Variants in ATL3 observed in about 807,000 individuals in gnomAD.
The protein encoded by ATL3 is atlastin-3.
ATL3 carries 49 observed loss-of-function variants against 69.5 expected under a neutral mutation model. The observed-to-expected ratio is 0.71, with a 90% confidence interval of 0.56 to 0.89. The LOEUF (loss-of-function observed/expected upper bound fraction) is 0.89, where lower values mean the gene tolerates loss of function less well. Among genes scored for constraint, ATL3 ranks in the 40% least tolerant of loss-of-function variants. ATL3 has a pLI of 0.00. For synonymous variants in ATL3, 214 were observed against 224.1 expected (o/e 0.95, Z 0.40); for missense variants, 606 against 645.7 (o/e 0.94, Z 0.67).
intron 5 of ATL3, among the ~76,000 whole-genome samples, chr11:63,650,250 A>G (rs775864929): frequency 6.6e-6 from 1 of 152,194 alleles, no homozygotes; most frequent in Non-Finnish European, 1.5e-5. Context: ...TCATCCCCAT[A>G]TGGAAGAAAC....
At chr11:63,663,210 C>T (rs577895483) in intron 1 of ATL3, among the ~76,000 whole-genome samples, 1 of 152,106 alleles carries the variant, frequency 6.6e-6, no homozygotes, top group East Asian at 1.9e-4. Flanking sequence ...CCTCAAACTC[C>T]TGGGTTCAAG....
rs1210037139 is a variant in ATL3, at chr11:63,624,643, C to T, written c.*4676G>A. On this transcript the variant is annotated 3_prime_UTR_variant, in exon 13 of 13. Transcript: ENST00000398868. Reference sequence around the variant, plus strand: ...TGAATTTTACTTTTTAAAAGAAAAACTATCAAAAATTGCTTTTAAAAAATC... The same window carrying T: ...TGAATTTTACTTTTTAAAAGAAAAATTATCAAAAATTGCTTTTAAAAAATC... 1.3e-5 allele frequency: 2 copies of T among 152,228 alleles called. No individual in the cohort carries two copies. The highest frequency in any genetic ancestry group is 2.1e-4 in the South Asian group (1 of 4,818). 9.4% of individuals were successfully genotyped at this position (152,228 alleles called of 1,614,324 possible).
At position 63,651,849 on chromosome 11, in the gene ATL3, T is replaced by C. The variant is rs934013262; in HGVS notation, c.561+87A>G. On this transcript the variant is annotated intron_variant, in intron 5 of 12. Coordinates refer to ENST00000398868, the MANE Select transcript of ATL3 (RefSeq NM_015459.5). ...AACCTTCCTCTACATTTCAATCTTT[T>C]GCTAAAAACTACTCAGTTGTAAAAT... The C allele has an allele frequency of 6.6e-5, 97 of 1,479,654 alleles. 1 individual carries two copies. In the East Asian group the frequency reaches 2.4e-3, roughly 36 times the overall value. The allele number at this position is 1,479,654 out of a possible 1,614,324, so 91.7% of individuals were successfully genotyped here.
chr11:63,644,283 C>T (rs771960422), intron 6 of ATL3, 22 bp from the exon 7 acceptor site: 8 of 1,381,016 alleles, frequency 5.8e-6, no homozygotes, highest in South Asian at 2.4e-5. Flanking sequence ...AAGAGCGGAA[C>T]ATATTTTAAC....
In ATL3 at chr11:63,631,158, T is replaced by C. The variant is rs758885564; in HGVS notation, c.1421A>G (p.Asn474Ser). ...TATTAACAGTAGTCCAACCATACAG[T>C]TGAACAACTGGGCTACAACCTCAAG... ...IGLEVVAQLFNCMVGLLLIAL... is the reference protein window; with the variant it reads ...IGLEVVAQLFSCMVGLLLIAL... The change falls in exon 12 of 13, where the codon AAC becomes AGC. Residue 474 changes from asparagine (N) to serine (S), a missense_variant. Asn to Ser is a conservative substitution (Grantham distance 46). Coordinates refer to ENST00000398868, the MANE Select transcript of ATL3 (RefSeq NM_015459.5). 3.7e-6 allele frequency: 6 copies of C among 1,614,158 alleles called. No homozygotes were observed. Among genetic ancestry groups the C allele is most frequent in the African/African-American group, 2.7e-5 (2 of 75,036 alleles).
chr11:63,671,257 C>G (rs539444345), intron 1 of ATL3, 33 bp downstream of exon 1: 1 of 1,558,044 alleles, frequency 6.4e-7, no homozygotes, highest in African/African-American at 1.4e-5. Context: ...CGGGGGTGGC[C>G]GCGGGGCGAT....
At chr11:63,661,966 A>G (rs1482416627) in intron 1 of ATL3, among the ~76,000 whole-genome samples, 1 of 151,890 alleles carries the variant, frequency 6.6e-6, no homozygotes, top group Non-Finnish European at 1.5e-5. Flanking sequence ...TAATCCCAGC[A>G]CTTTGGGGGC....
intron 6 of ATL3, among the ~76,000 whole-genome samples, chr11:63,646,076 G>C (rs1342674249): frequency 6.7e-6 from 1 of 148,308 alleles, no homozygotes; most frequent in African/African-American, 2.5e-5. Context: ...ATTTTTTTAA[G>C]AGATGTCTTG....
In ATL3 at chr11:63,658,725, G is replaced by T. The variant is rs1237292194; in HGVS notation, c.405+36C>A. On this transcript the variant is annotated intron_variant, in intron 3 of 12. Transcript: ENST00000398868. ...ATGCTGAAGTTCATATTTTGTTGTTGTTGTTGTTAATCTGTAAGGTCATTT... is the reference window on the plus strand; with the variant it reads ...ATGCTGAAGTTCATATTTTGTTGTTTTTGTTGTTAATCTGTAAGGTCATTT... 3 of 1,566,194 alleles carry T rather than the reference G, an allele frequency of 1.9e-6. No individual in the cohort carries two copies. The African/African-American group carries it at 4.1e-5, about 21-fold the overall frequency.
At chr11:63,635,470 T>C (rs1227028903) in intron 10 of ATL3, 64 bp downstream of exon 10, 2 of 1,334,646 alleles carry the variant, frequency 1.5e-6, no homozygotes, top group African/African-American at 1.5e-5. Context: ...GAACTCTGCT[T>C]ATTGTATACA....
At chr11:63,671,229 C>A in intron 1 of ATL3, 61 bp downstream of exon 1, 1 of 1,523,176 alleles carries the variant, frequency 6.6e-7, no homozygotes, top group Non-Finnish European at 8.8e-7. Flanking sequence ...CTTTTCAGAA[C>A]TACAGCAGGG....
At chr11:63,632,050 G>A (rs950527661) in intron 11 of ATL3, among the ~76,000 whole-genome samples, 1 of 152,190 alleles carries the variant, frequency 6.6e-6, no homozygotes, top group Non-Finnish European at 1.5e-5. Flanking sequence ...TGTCCTGGTT[G>A]AGGGTCCTCA....
At chr11:63,652,211 A>C (rs1940099371) in intron 4 of ATL3, among the ~76,000 whole-genome samples, 1 of 152,210 alleles carries the variant, frequency 6.6e-6, no homozygotes, top group Admixed American at 6.6e-5. Context: ...AGCTCTTATC[A>C]AATCTGTATT....
chr11:63,636,243 T>C lies in ATL3; in HGVS notation c.942A>G (p.Ser314=). The C allele has an allele frequency of 6.2e-7, 1 of 1,614,214 alleles. No individual in the cohort carries two copies. Among genetic ancestry groups the C allele is most frequent in the East Asian group, 2.2e-5 (1 of 44,876 alleles). ...CCAGTAGTCCCCGACAGGTGACCTT[T>C]GAGCCATTGATCTCCTTTTCCATTA... ...SKLMEKEING[S]KVTCRGLLEY... is the part of the protein sequence containing the mutation. Residue 314 remains serine (S), a synonymous_variant, in exon 9 of 13, where the codon TCA becomes TCG. Transcript: ENST00000398868.
Position 63,624,238 on chromosome 11 carries a change from GA to G in ATL3, c.*5080del, listed in dbSNP as rs1939030188. 6.6e-6 allele frequency: 1 copy of G among 152,152 alleles called. No homozygotes were observed. The highest frequency in any genetic ancestry group is 2.4e-5 in the African/African-American group (1 of 41,434). 9.4% of individuals were successfully genotyped at this position (152,152 alleles called of 1,614,324 possible). The stretch of plus-strand genomic sequence containing the variant: ...GCCACTCAAAGGCAAGGGTCTAGCA[GA>G]CAGTACTTTTAACAAATCATTTTTT... On this transcript the variant is annotated 3_prime_UTR_variant, in exon 13 of 13. Transcript: ENST00000398868.
chr11:63,671,700 G>A (rs1940794099), upstream of ATL3: 1 of 1,305,090 alleles, frequency 7.7e-7, no homozygotes, highest in Non-Finnish European at 9.9e-7. Flanking sequence ...ACTGGGTCCC[G>A]GCCAGCGGTC....
chr11:63,632,195 CA>C (rs1454269421), intron 11 of ATL3: 1 of 575,836 alleles, frequency 1.7e-6, no homozygotes, highest in East Asian at 3.2e-5. Context: ...GATCTATGAC[CA>C]ATGGTGGCAG....
Position 63,631,073 on chromosome 11 carries a change from A to T in ATL3, c.1506T>A (p.Ala502=). Residue 502 remains alanine (A), a synonymous_variant, in exon 12 of 13, where the codon GCT becomes GCA. Transcript: ENST00000398868. ...ACACATATGCGGCACCAAAATCAAT[A>T]GCTCCGCCCAGCTCACGATATTGAC... is the stretch of plus-strand genomic sequence containing the variant. ...YSGQYRELGG[A]IDFGAAYVLE... is the part of the protein sequence containing the mutation. 3 of 1,613,244 alleles carry T rather than the reference A, an allele frequency of 1.9e-6. No individual in the cohort carries two copies. Among genetic ancestry groups the T allele is most frequent in the Non-Finnish European group, 1.7e-6 (2 of 1,179,636 alleles).
At chr11:63,669,840 C>A (rs923304962) in intron 1 of ATL3, among the ~76,000 whole-genome samples, 1 of 151,490 alleles carries the variant, frequency 6.6e-6, no homozygotes, top group African/African-American at 2.4e-5. Context: ...CCCAGCTACT[C>A]GGGAGGCTGA....
Sources: allele counts gnomAD v4.1 joint callset (sites outside exome capture counted in the v4.1 genomes callset), GRCh38; gene constraint gnomAD v4.1.1; transcripts MANE v1.5; gene names NCBI Gene and HGNC (gene_info 2026-07-23, HGNC 2026-07-21).